CHST11: variants seen among roughly 807,000 people sequenced by gnomAD.
CHST11 encodes the protein carbohydrate sulfotransferase 11.
A neutral mutation model predicts 30.4 loss-of-function variants in CHST11; 9 were observed. That is an observed-to-expected ratio of 0.30 (90% confidence interval 0.18 to 0.52). The LOEUF (loss-of-function observed/expected upper bound fraction) is 0.52, where lower values mean the gene tolerates loss of function less well. Ranked by LOEUF, CHST11 falls within the 20% of genes least tolerant of loss-of-function variation. The probability of loss-of-function intolerance (pLI) is 0.97; values close to 1 mark genes in which losing one functional copy is unlikely to be tolerated. For synonymous variants in CHST11, 152 were observed against 187.8 expected (o/e 0.81, Z 1.56); for missense variants, 348 against 460.6 (o/e 0.76, Z 2.24).
At chr12:104,734,960 TCAG>T (rs2040288180) in intron 2 of CHST11, among the ~76,000 whole-genome samples, 1 of 152,212 alleles carries the variant, frequency 6.6e-6, no homozygotes, top group Admixed American at 6.5e-5. Context: ...CATGCCCTCA[TCAG>T]GGCAAACTGC....
intron 1 of CHST11, among the ~76,000 whole-genome samples, chr12:104,565,990 C>T (rs547435465): frequency 6.6e-6 from 1 of 152,318 alleles, no homozygotes; most frequent in East Asian, 1.9e-4. Flanking sequence ...GCCACATTCT[C>T]ACTCCTTTGT....
intron 2 of CHST11, among the ~76,000 whole-genome samples, chr12:104,751,578 T>G (rs2040432168): frequency 6.6e-6 from 1 of 152,232 alleles, no homozygotes. Context: ...TGGTGAAATT[T>G]GTCTTTGAGA....
At chr12:104,526,430 G>A (rs563072826) in intron 1 of CHST11, among the ~76,000 whole-genome samples, 4 of 152,274 alleles carry the variant, frequency 2.6e-5, no homozygotes, top group Non-Finnish European at 4.4e-5. Context: ...CAGTTCAGCC[G>A]GCTACTTCCT....
chr12:104,497,437 C>G (rs1196971290), intron 1 of CHST11, among the ~76,000 whole-genome samples: 2 of 152,230 alleles, frequency 1.3e-5, no homozygotes, highest in Non-Finnish European at 2.9e-5. Context: ...ACACCTTGAT[C>G]CTAGACTTCC....
chr12:104,742,187 G>A (rs547251757), intron 2 of CHST11, among the ~76,000 whole-genome samples: 1 of 152,276 alleles, frequency 6.6e-6, no homozygotes, highest in East Asian at 1.9e-4. Flanking sequence ...AGGCCTGAAG[G>A]GCTCAAGTGA....
At chr12:104,459,539 A>G (rs1357506688) in intron 1 of CHST11, among the ~76,000 whole-genome samples, 1 of 152,236 alleles carries the variant, frequency 6.6e-6, no homozygotes, top group Non-Finnish European at 1.5e-5. Flanking sequence ...GGGAAATACA[A>G]TTGTCATGGA....
chr12:104,593,091 G>A (rs1406527994), intron 1 of CHST11, among the ~76,000 whole-genome samples: 1 of 152,168 alleles, frequency 6.6e-6, no homozygotes, highest in South Asian at 2.1e-4. Context: ...GCACATTCAC[G>A]TAATTCTTAG....
At chr12:104,611,551 G>A (rs2039059679) in intron 2 of CHST11, among the ~76,000 whole-genome samples, 1 of 152,198 alleles carries the variant, frequency 6.6e-6, no homozygotes. Flanking sequence ...CCCCAGAAAA[G>A]GTACCCAGTG....
intron 2 of CHST11, among the ~76,000 whole-genome samples, chr12:104,704,377 G>A (rs1302299355): frequency 1.3e-5 from 2 of 152,212 alleles, no homozygotes; most frequent in African/African-American, 2.4e-5. Flanking sequence ...AGGTGAGGGA[G>A]GAAGGGGAAG....
intron 2 of CHST11, among the ~76,000 whole-genome samples, chr12:104,660,265 C>T (rs907284748): frequency 7.9e-5 from 12 of 152,148 alleles, no homozygotes; most frequent in African/African-American, 2.9e-4. Flanking sequence ...GGTACCACGC[C>T]AGGACCAGAG....
At chr12:104,750,924 C>T (rs2040426702) in intron 2 of CHST11, among the ~76,000 whole-genome samples, 1 of 152,096 alleles carries the variant, frequency 6.6e-6, no homozygotes, top group Non-Finnish European at 1.5e-5. Flanking sequence ...AGGTGAATTT[C>T]TCTCTTGGAT....
intron 1 of CHST11, among the ~76,000 whole-genome samples, chr12:104,567,049 C>T (rs551307672): frequency 2.6e-4 from 40 of 152,176 alleles, no homozygotes; most frequent in African/African-American, 8.2e-4. Context: ...GGAACACCTC[C>T]CGCCCAATAC....
chr12:104,671,791 C>T (rs1209069615), intron 2 of CHST11, among the ~76,000 whole-genome samples: 1 of 152,158 alleles, frequency 6.6e-6, no homozygotes, highest in Non-Finnish European at 1.5e-5. Flanking sequence ...GCCCCCAGCC[C>T]TCTTCTTGCA....
At chr12:104,514,363 T>A (rs926329376) in intron 1 of CHST11, 9 of 930,626 alleles carry the variant, frequency 9.7e-6, no homozygotes, top group Non-Finnish European at 1.6e-5. Context: ...TTCTATGCCA[T>A]TCTGGGCTTT....
chr12:104,574,537 T>G (rs929020206), intron 1 of CHST11, among the ~76,000 whole-genome samples: 75 of 152,186 alleles, frequency 4.9e-4, no homozygotes, highest in African/African-American at 1.1e-3. Context: ...CCATAAAAAA[T>G]GATGAGTTCA....
At chr12:104,616,913 A>G (rs2039113498) in intron 2 of CHST11, among the ~76,000 whole-genome samples, 1 of 150,604 alleles carries the variant, frequency 6.6e-6, no homozygotes, top group Non-Finnish European at 1.5e-5. Context: ...GATTGCTGAG[A>G]CGGGACACCA....
chr12:104,634,462 G>A (rs1199065420), intron 2 of CHST11, among the ~76,000 whole-genome samples: 2 of 152,212 alleles, frequency 1.3e-5, no homozygotes, highest in East Asian at 1.9e-4. Context: ...CGGGCCTGGA[G>A]CTGGTCCCTG....
At chr12:104,578,269 C>T (rs763598391) in intron 1 of CHST11, among the ~76,000 whole-genome samples, 2 of 152,186 alleles carry the variant, frequency 1.3e-5, no homozygotes. Context: ...TGCCACTGCT[C>T]GGATCTTCCC....
chr12:104,556,636 T>A (rs1019441503), intron 1 of CHST11, among the ~76,000 whole-genome samples: 6 of 152,214 alleles, frequency 3.9e-5, no homozygotes, highest in African/African-American at 1.4e-4. Flanking sequence ...CTGCCCTGTG[T>A]GTTCTGTCTT....
Sources: allele counts gnomAD v4.1 joint callset (sites outside exome capture counted in the v4.1 genomes callset), GRCh38; gene constraint gnomAD v4.1.1; transcripts MANE v1.5; gene names NCBI Gene and HGNC (gene_info 2026-07-23, HGNC 2026-07-21).